RAD51B: variants seen among roughly 807,000 people sequenced by gnomAD.
RAD51B encodes the protein DNA repair protein RAD51 homolog 2.
Under a neutral mutation model 42.2 loss-of-function variants are expected in RAD51B, and 38 were observed. The observed-to-expected ratio is 0.90, with a 90% CI of 0.70 to 1.18. The LOEUF (loss-of-function observed/expected upper bound fraction) is 1.18. RAD51B is among the 50% of genes most tolerant of loss of function. The pLI is 0.00. For missense variants in RAD51B, 373 were observed against 400.7 expected (o/e 0.93, Z 0.59); for synonymous variants, 154 against 145.2 (o/e 1.06, Z -0.43).
rs958947410 is a variant in RAD51B at position 68,312,123 on chromosome 14, G to T, written c.853+20143G>T. Reference sequence around the variant, plus strand: ...GGGGAAGAAATGTGTGTTTTTTTTTGTTTTGTTTTGTTTTTTAGTGCTGAT... The same window carrying T: ...GGGGAAGAAATGTGTGTTTTTTTTTTTTTTGTTTTGTTTTTTAGTGCTGAT... On this transcript the variant is annotated intron_variant, in intron 8 of 10. Transcript: ENST00000471583. Among the ~76,000 whole-genome samples, 8 of 151,646 alleles carry T rather than the reference G, an allele frequency of 5.3e-5. No individual in the cohort carries two copies. In the East Asian group the frequency reaches 7.7e-4, roughly 15 times the overall value.
chr14:67,970,384 TAA>T (rs2074872518), intron 7 of RAD51B, among the ~76,000 whole-genome samples: 1 of 152,154 alleles, frequency 6.6e-6, no homozygotes, highest in South Asian at 2.1e-4. Flanking sequence ...AAAACTTACA[TAA>T]AAGCAAAGGT....
intron 10 of RAD51B, among the ~76,000 whole-genome samples, chr14:68,649,617 A>G (rs1892658042): frequency 6.6e-6 from 1 of 152,334 alleles, no homozygotes; most frequent in African/African-American, 2.4e-5. Flanking sequence ...GCCAAGCCAC[A>G]TCAATAATTG....
At chr14:67,889,619 C>CT (rs60392864) in intron 7 of RAD51B, among the ~76,000 whole-genome samples, 62,694 of 150,302 alleles carry the variant, frequency 0.42, 14,257 homozygotes, top group African/African-American at 0.58. Flanking sequence ...ACTAGAAAAC[C>CT]TCGTCTTTTG....
At chr14:68,120,632 G>A (rs1215377675) in intron 7 of RAD51B, among the ~76,000 whole-genome samples, 1 of 152,090 alleles carries the variant, frequency 6.6e-6, no homozygotes, top group African/African-American at 2.4e-5. Context: ...CTGCTTCAAG[G>A]TGGGTTTTTT....
At chr14:68,459,026 T>C (rs2085775153) in intron 9 of RAD51B, among the ~76,000 whole-genome samples, 1 of 152,206 alleles carries the variant, frequency 6.6e-6, no homozygotes, top group Non-Finnish European at 1.5e-5. Flanking sequence ...CTAATCAGTC[T>C]AAGATCCAAC....
intron 8 of RAD51B, among the ~76,000 whole-genome samples, chr14:68,296,429 T>TCTTA (rs1378184705): frequency 6.6e-6 from 1 of 152,222 alleles, no homozygotes; most frequent in Non-Finnish European, 1.5e-5. Flanking sequence ...AGGACACATT[T>TCTTA]CTTAGCCCTT....
chr14:68,681,414 G>C (rs950994166), intron 11 of RAD51B, among the ~76,000 whole-genome samples: 2 of 152,166 alleles, frequency 1.3e-5, no homozygotes. Flanking sequence ...GGAGGAACAA[G>C]GGCCTCCAAG....
At chr14:68,374,141 C>T (rs2083316306) in intron 8 of RAD51B, among the ~76,000 whole-genome samples, 1 of 152,164 alleles carries the variant, frequency 6.6e-6, no homozygotes, top group Non-Finnish European at 1.5e-5. Flanking sequence ...ATAGTCAATC[C>T]TGGCACTTTC....
At chr14:68,611,884 ATT>A (rs11305901), downstream of RAD51B, among the ~76,000 whole-genome samples, 1 of 149,222 alleles carries the variant, frequency 6.7e-6, no homozygotes. Context: ...CCAGTGTAAG[ATT>A]TTTTTTTTTC....
At chr14:67,883,203 C>T (rs546797783) in intron 5 of RAD51B, among the ~76,000 whole-genome samples, 1 of 152,072 alleles carries the variant, frequency 6.6e-6, no homozygotes, top group South Asian at 2.1e-4. Context: ...CATTCTTGCC[C>T]AAGCCTCTTC....
At chr14:68,376,847 G>A (rs747081199) in intron 8 of RAD51B, among the ~76,000 whole-genome samples, 17 of 152,140 alleles carry the variant, frequency 1.1e-4, no homozygotes, top group Non-Finnish European at 2.1e-4. Flanking sequence ...TACAAGGGCC[G>A]GAAGTGACCA....
Position 68,645,113 on chromosome 14 carries a change from C to T in RAD51B, c.1037-5668C>T, listed in dbSNP as rs1892538780. 2.6e-5 allele frequency among the ~76,000 whole-genome samples: 4 copies of T among 152,166 alleles called. 1 individual carries two copies. In the South Asian group the frequency reaches 8.3e-4, roughly 32 times the overall value. On this transcript the variant is annotated intron_variant, in intron 10 of 11. Transcript: ENST00000488612. ...CCATCACTAGAGCATTTTGATCTTT[C>T]CAACCTGAAATTCTGTACCCATTAA...
downstream of RAD51B, among the ~76,000 whole-genome samples, chr14:68,615,409 G>A (rs1422544084): frequency 6.6e-6 from 1 of 151,686 alleles, no homozygotes; most frequent in East Asian, 1.9e-4. Context: ...GCAGTGGCGT[G>A]ATATCTGCTC....
At chr14:67,891,529 A>G (rs763009717) in intron 7 of RAD51B, among the ~76,000 whole-genome samples, 49 of 152,154 alleles carry the variant, frequency 3.2e-4, no homozygotes, top group Non-Finnish European at 6.2e-4. Flanking sequence ...ACAAATGGAA[A>G]GAATTTGTTC....
intron 7 of RAD51B, among the ~76,000 whole-genome samples, chr14:68,086,307 G>C (rs915955143): frequency 6.6e-6 from 1 of 152,090 alleles, no homozygotes; most frequent in Non-Finnish European, 1.5e-5. Flanking sequence ...TCGCTGTCCA[G>C]CTGCCCGTGT....
chr14:68,216,136 T>A (rs1389080939), intron 7 of RAD51B, among the ~76,000 whole-genome samples: 4 of 152,222 alleles, frequency 2.6e-5, no homozygotes, highest in Admixed American at 2.6e-4. Context: ...TGAGGTTCAA[T>A]GCAAAGAGCT....
intron 7 of RAD51B, among the ~76,000 whole-genome samples, chr14:68,133,632 T>C (rs113667502): frequency 0.085 from 12,924 of 151,996 alleles, 1,591 homozygotes; most frequent in African/African-American, 0.27. Flanking sequence ...CCACCACGCC[T>C]GGCTAATTTT....
At chr14:68,094,788 T>C (rs2077164189) in intron 7 of RAD51B, among the ~76,000 whole-genome samples, 1 of 152,190 alleles carries the variant, frequency 6.6e-6, no homozygotes. Context: ...AAAAAGTTAA[T>C]TGAAGAAAAG....
intron 10 of RAD51B, among the ~76,000 whole-genome samples, chr14:68,573,408 C>G (rs939919445): frequency 6.6e-6 from 1 of 152,194 alleles, no homozygotes; most frequent in Admixed American, 6.5e-5. Context: ...ACCTGGATTG[C>G]TCCCTGCCTC....
Sources: allele counts gnomAD v4.1 joint callset (sites outside exome capture counted in the v4.1 genomes callset), GRCh38; gene constraint gnomAD v4.1.1; transcripts MANE v1.5; gene names NCBI Gene and HGNC (gene_info 2026-07-23, HGNC 2026-07-21).